Variants in PCDHA6 observed in about 807,000 individuals in gnomAD.
PCDHA6 encodes the protein protocadherin alpha 6.
A neutral mutation model predicts 60.3 loss-of-function variants in PCDHA6; 55 were observed. The observed-to-expected ratio is 0.91, with a 90% CI of 0.73 to 1.14. PCDHA6 has a LOEUF of 1.14. Ranked by LOEUF, PCDHA6 falls within the 50% of genes most tolerant of loss-of-function variation. The pLI is 0.00. For missense variants in PCDHA6, 1,327 were observed against 1,256.5 expected (o/e 1.06, Z -0.85); for synonymous variants, 652 against 557.9 (o/e 1.17, Z -2.38).
chr5:140,876,850 T>A, intron 1 of PCDHA6: 1 of 1,614,012 alleles, frequency 6.2e-7, no homozygotes, highest in Non-Finnish European at 8.5e-7. Flanking sequence ...GCAGCCCGAG[T>A]ACACAGTGTT....
intron 1 of PCDHA6, chr5:140,877,037 C>G: frequency 6.2e-7 from 1 of 1,612,492 alleles, no homozygotes; most frequent in Non-Finnish European, 8.5e-7. Flanking sequence ...GCGCTGCAGC[C>G]GCTAGACCAC....
chr5:140,874,053 CAATTT>C (rs1290519215), intron 1 of PCDHA6, among the ~76,000 whole-genome samples: 1 of 152,190 alleles, frequency 6.6e-6, no homozygotes, highest in Non-Finnish European at 1.5e-5. Flanking sequence ...TGATATTAGA[CAATTT>C]AAATAATTAG....
At chr5:140,888,558 C>G (rs782768307) in intron 1 of PCDHA6, among the ~76,000 whole-genome samples, 1 of 152,188 alleles carries the variant, frequency 6.6e-6, no homozygotes, top group Non-Finnish European at 1.5e-5. Flanking sequence ...TTATTCCTTT[C>G]AAGGCTTCAT....
chr5:140,921,124 G>A (rs1017756296), intron 1 of PCDHA6, among the ~76,000 whole-genome samples: 1 of 146,978 alleles, frequency 6.8e-6, no homozygotes, highest in Non-Finnish European at 1.5e-5. Flanking sequence ...AGGACTACAG[G>A]TGCACACCAC....
rs1423136904 is a variant in PCDHA6 at position 140,966,615 on chromosome 5, G to A, written c.2395-12334G>A. 1.0e-5 allele frequency: 8 copies of A among 773,600 alleles called. No individual in the cohort carries two copies. In the Admixed American group the frequency reaches 1.2e-4, roughly 12 times the overall value. The allele number at this position is 773,600 out of a possible 1,614,324, so 47.9% of individuals were successfully genotyped here. A position where few individuals can be genotyped will look rare whatever the true frequency, so the allele number is the denominator to read the frequency against. On this transcript the variant is annotated intron_variant, in intron 1 of 3. Transcript: ENST00000529310. The stretch of plus-strand genomic sequence containing the variant: ...GCCAGGAGCCCTTGGGAGGGCCTAC[G>A]GAGGGAGCGGCCCCAGGCGCTTTCT...
At position 140,842,876 on chromosome 5, in the gene PCDHA6, G is replaced by T. The variant is rs2150347081; in HGVS notation, c.2394+12391G>T. ...GCACACGGAGAGCGGCAAGGTGTAC[G>T]CGCTGCAGCCGCTGGACCACGAGGA... On this transcript the variant is annotated intron_variant, in intron 1 of 3. Transcript: ENST00000529310. 5.9e-3 allele frequency: 9,472 copies of T among 1,593,878 alleles called. 1,015 individuals are homozygous for T. The African/African-American group carries it at 0.11, about 18-fold the overall frequency.
rs150637034 is a variant in PCDHA6 at position 140,828,096 on chromosome 5, T to C, written c.5T>C (p.Val2Ala). The change falls in exon 1 of 4, where the codon GTG becomes GCG. Residue 2 changes from valine to alanine, a missense_variant. Val to Ala is a moderately conservative substitution (Grantham distance 64). Coordinates refer to ENST00000529310, the MANE Select transcript of PCDHA6 (RefSeq NM_018909.4). M[V>A]FTPEDRLGKQ... ...ATAAAACCAGAGGTATTTGACATGGTGTTTACCCCGGAGGATAGATTGGGA... is the reference window on the plus strand; with the variant it reads ...ATAAAACCAGAGGTATTTGACATGGCGTTTACCCCGGAGGATAGATTGGGA... 3.2e-4 allele frequency: 509 copies of C among 1,604,738 alleles called. 4 individuals carry two copies. In the African/African-American group the frequency reaches 5.9e-3, roughly 19 times the overall value.
chr5:140,871,284 T>C (rs2052909297), intron 1 of PCDHA6: 1 of 1,613,778 alleles, frequency 6.2e-7, no homozygotes, highest in African/African-American at 1.3e-5. Flanking sequence ...CAACGCCCAC[T>C]GAGGGCGCGT....
chr5:140,950,040 C>T (rs1053592525), intron 1 of PCDHA6, among the ~76,000 whole-genome samples: 4 of 151,718 alleles, frequency 2.6e-5, no homozygotes, highest in Non-Finnish European at 5.9e-5. Flanking sequence ...AAGTTACAAC[C>T]ATATAAGACT....
intron 1 of PCDHA6, chr5:140,876,170 T>C (rs781910243): frequency 6.2e-7 from 1 of 1,613,982 alleles, no homozygotes; most frequent in African/African-American, 1.3e-5. Context: ...ATAACCGTCC[T>C]GGATGTGAAT....
chr5:140,971,115 G>A (rs1409733667), intron 1 of PCDHA6, among the ~76,000 whole-genome samples: 1 of 152,146 alleles, frequency 6.6e-6, no homozygotes, highest in Non-Finnish European at 1.5e-5. Flanking sequence ...GGATTGGGGT[G>A]GGCTACAGGT....
intron 1 of PCDHA6, chr5:140,883,153 A>G (rs1268982674): frequency 2.5e-6 from 4 of 1,614,120 alleles, no homozygotes; most frequent in Non-Finnish European, 8.5e-7. Flanking sequence ...CATTTACCAT[A>G]AATCCGAACA....
chr5:140,985,233 G>C (rs1447323173), intron 3 of PCDHA6, among the ~76,000 whole-genome samples: 4 of 152,084 alleles, frequency 2.6e-5, no homozygotes, highest in Non-Finnish European at 5.9e-5. Flanking sequence ...CACCGCGCCT[G>C]GCCTAATCTT....
intron 3 of PCDHA6, among the ~76,000 whole-genome samples, chr5:140,998,721 C>A (rs987484967): frequency 4.6e-5 from 7 of 152,084 alleles, no homozygotes; most frequent in Admixed American, 4.6e-4. Flanking sequence ...TGCACCACCA[C>A]GCTAGGCTAA....
At chr5:140,978,782 A>C (rs782295456) in intron 1 of PCDHA6, 167 bp from the exon 2 acceptor site, 1 of 971,546 alleles carries the variant, frequency 1.0e-6, no homozygotes, top group African/African-American at 1.8e-5. Flanking sequence ...TTTTCTTCTA[A>C]AGTGCTATAT....
At chr5:140,856,240 G>A in intron 1 of PCDHA6, 1 of 1,598,050 alleles carries the variant, frequency 6.3e-7, no homozygotes, top group Non-Finnish European at 8.6e-7. Flanking sequence ...GCCTGTTCCG[G>A]GTGGCGTCCA....
At chr5:140,852,242 C>T (rs1581273178) in intron 1 of PCDHA6, 1 of 575,754 alleles carries the variant, frequency 1.7e-6, no homozygotes, top group East Asian at 1.4e-4. Context: ...TCCCTTAAAA[C>T]ACACTTTTGG....
At chr5:140,940,199 A>G (rs1253658459) in intron 1 of PCDHA6, among the ~76,000 whole-genome samples, 2 of 152,136 alleles carry the variant, frequency 1.3e-5, no homozygotes, top group Non-Finnish European at 2.9e-5. Flanking sequence ...CATGGGTGTA[A>G]AATTCAAGAT....
At chr5:140,959,871 T>C (rs572861997) in intron 1 of PCDHA6, among the ~76,000 whole-genome samples, 1 of 152,322 alleles carries the variant, frequency 6.6e-6, no homozygotes, top group Admixed American at 6.5e-5. Flanking sequence ...GCAAAATCTG[T>C]CAAGGAATAC....
Sources: allele counts gnomAD v4.1 joint callset (sites outside exome capture counted in the v4.1 genomes callset), GRCh38; gene constraint gnomAD v4.1.1; transcripts MANE v1.5; gene names NCBI Gene and HGNC (gene_info 2026-07-23, HGNC 2026-07-21).